The following VIL1 variants were observed in gnomAD, a reference collection of about 807,000 sequenced individuals.
VIL1 encodes the protein villin 1, also known as villin-1.
In VIL1, 86 loss-of-function variants were observed where a neutral mutation model predicts 104.0. That is an observed-to-expected ratio of 0.83 (90% CI 0.69 to 0.99). The LOEUF is 0.99. VIL1 is among the 50% of genes least tolerant of loss of function. VIL1 has a pLI of 0.00. For missense variants in VIL1, 944 were observed against 1,054.1 expected, an observed-to-expected ratio of 0.90 and a Z score of 1.45; for synonymous variants, 394 against 412.6, an observed-to-expected ratio of 0.95 and a Z score of 0.55.
intron 19 of VIL1, among the ~76,000 whole-genome samples, chr2:218,442,230 C>G (rs1689295906): frequency 1.3e-5 from 2 of 152,026 alleles, no homozygotes; most frequent in Non-Finnish European, 2.9e-5. Flanking sequence ...GCATCATTCT[C>G]CAAGATAGAA....
rs148353573 is a variant in VIL1 at position 218,429,401 on chromosome 2, C to T, written c.684C>T (p.His228=). 77 of 1,614,126 alleles carry T rather than the reference C, an allele frequency of 4.8e-5. 1 individual carries two copies. In the African/African-American group the frequency reaches 8.4e-4, roughly 18 times the overall value. The part of the protein sequence containing the change: ...ASPKLMEVMN[H]VLGKRRELKA... ...CGAAGCTGATGGAGGTGATGAACCA[C>T]GTGCTGGGCAAGCGCAGGGAGCTGA... Residue 228 remains histidine, a synonymous_variant, in exon 7 of 20, where the codon CAC becomes CAT. Coordinates refer to ENST00000248444, the MANE Select transcript of VIL1 (RefSeq NM_007127.3).
In VIL1 at chr2:218,449,429, T is replaced by C; in HGVS notation, c.*93T>C. Reference sequence around the variant, plus strand: ...TAGTCCTACACCAATTGAAGTGAAATTTTGCAGATGTGCCTATGAGCACAA... The same window carrying C: ...TAGTCCTACACCAATTGAAGTGAAACTTTGCAGATGTGCCTATGAGCACAA... On this transcript the variant is annotated 3_prime_UTR_variant, in exon 20 of 20. Coordinates refer to ENST00000248444, the MANE Select transcript of VIL1 (RefSeq NM_007127.3). 1 of 1,098,378 alleles carries C rather than the reference T, an allele frequency of 9.1e-7. No homozygotes were observed. Among genetic ancestry groups the C allele is most frequent in the Non-Finnish European group, 1.4e-6 (1 of 724,728 alleles). The allele number at this position is 1,098,378 out of a possible 1,614,324, so 68.0% of individuals were successfully genotyped here.
Position 218,438,873 on chromosome 2 carries a change from T to G in VIL1, c.2229+147T>G, listed in dbSNP as rs1187442868. The stretch of plus-strand genomic sequence containing the variant: ...CTTCTCATTCTTCTTGCTGTTTTAC[T>G]TCAGTGCCTCTAGTGGTTTTGTTTC... On this transcript the variant is annotated intron_variant, in intron 18 of 19. Transcript: ENST00000248444. 3 of 652,976 alleles carry G rather than the reference T, an allele frequency of 4.6e-6. No homozygotes were observed. The African/African-American group carries it at 5.5e-5, about 12-fold the overall frequency. 40.4% of individuals were successfully genotyped at this position (652,976 alleles called of 1,614,324 possible). A position where few individuals can be genotyped will look rare whatever the true frequency, so the allele number is the denominator to read the frequency against.
chr2:218,432,106 T>C lies in VIL1; in HGVS notation c.1264T>C (p.Tyr422His). The C allele has an allele frequency of 1.2e-6, 2 of 1,614,108 alleles. No individual in the cohort carries two copies. The highest frequency in any genetic ancestry group is 1.7e-6 in the Non-Finnish European group (2 of 1,180,002). The change falls in exon 12 of 20, where the codon TAT becomes CAT. Residue 422 changes from tyrosine (Y) to histidine (H), a missense_variant. Coordinates refer to ENST00000248444, the MANE Select transcript of VIL1 (RefSeq NM_007127.3). ...GGATTCCAAGTGGCTAGGCCACTTC[T>C]ATGGGGGCGACTGCTACCTGCTGCT... ...PVDSKWLGHFYGGDCYLLLYT... is the reference protein window; with the variant it reads ...PVDSKWLGHFHGGDCYLLLYT...
In VIL1 at chr2:218,423,789, T is replaced by TGAGC; in HGVS notation, c.13_16dup (p.Ala6GlufsTer40). On this transcript the variant is annotated frameshift_variant, in exon 2 of 20. Transcript: ENST00000248444. LOFTEE classifies it high-confidence loss of function. ...CCAGGCTCACTCACCATGACCAAGC[T>TGAGC]GAGCGCCCAAGTCAAAGGCTCTCTC... The TGAGC allele has an allele frequency of 6.2e-7, 1 of 1,614,160 alleles. No homozygotes were observed. The highest frequency in any genetic ancestry group is 1.3e-5 in the African/African-American group (1 of 75,060).
Position 218,427,950 on chromosome 2 carries a change from C to T in VIL1, c.348-15C>T, listed in dbSNP as rs768856910. The T allele has an allele frequency of 2.5e-6, 4 of 1,612,850 alleles. No homozygotes were observed. Among genetic ancestry groups the T allele is most frequent in the Non-Finnish European group, 3.4e-6 (4 of 1,179,268 alleles). On this transcript the variant is annotated splice_polypyrimidine_tract_variant and intron_variant, in intron 4 of 19. Coordinates refer to ENST00000248444, the MANE Select transcript of VIL1 (RefSeq NM_007127.3). ...CCCAGCCCACTTCCTTGGGTCAGCT[C>T]ACCTCTCTTCTCAGGATCCGGAAAG...
At chr2:218,433,833 G>A (rs1689139707) in intron 13 of VIL1, among the ~76,000 whole-genome samples, 1 of 151,938 alleles carries the variant, frequency 6.6e-6, no homozygotes, top group South Asian at 2.1e-4. Context: ...CTTGAACCTG[G>A]GAGACGCTGA....
chr2:218,445,469 G>C (rs1488088525), intron 19 of VIL1, among the ~76,000 whole-genome samples: 2 of 152,094 alleles, frequency 1.3e-5, no homozygotes, highest in Non-Finnish European at 2.9e-5. Context: ...CCTGCCTCAG[G>C]GAGTGGGGAA....
rs775536963 is a variant in VIL1 at position 218,429,600 on chromosome 2, G to A, written c.774G>A (p.Val258=). The A allele has an allele frequency of 1.9e-6, 3 of 1,614,126 alleles. No homozygotes were observed. Among genetic ancestry groups the A allele is most frequent in the Non-Finnish European group, 1.7e-6 (2 of 1,180,026 alleles). The change falls in exon 8 of 20, where the codon GTG becomes GTA. Residue 258 remains valine (V), a synonymous_variant. Transcript: ENST00000248444. Reference sequence around the variant, plus strand: ...ATGCCTTGCTTCTGTCCTGCAGTGTGTCTGACTCCGAGGGGAATCTGGTGG... The same window carrying A: ...ATGCCTTGCTTCTGTCCTGCAGTGTATCTGACTCCGAGGGGAATCTGGTGG... The part of the protein sequence containing the change: ...ALKAALKLYH[V]SDSEGNLVVR...
intron 19 of VIL1, among the ~76,000 whole-genome samples, chr2:218,441,267 T>A (rs1689279769): frequency 6.6e-6 from 1 of 151,890 alleles, no homozygotes; most frequent in Non-Finnish European, 1.5e-5. Context: ...TGTATGCCTG[T>A]AATCCCAGCT....
rs774283139 is a variant in VIL1 at position 218,449,372 on chromosome 2, C to A, written c.*36C>A. On this transcript the variant is annotated 3_prime_UTR_variant, in exon 20 of 20. Transcript: ENST00000248444. ...TGTGGTTGTAAAGCAGTACCCTACCCTGATTGTAGGGTCTCATTTTCTCAC... is the reference window on the plus strand; with the variant it reads ...TGTGGTTGTAAAGCAGTACCCTACCATGATTGTAGGGTCTCATTTTCTCAC... 3 of 1,492,484 alleles carry A rather than the reference C, an allele frequency of 2.0e-6. No homozygotes were observed. The highest frequency in any genetic ancestry group is 1.4e-5 in the African/African-American group (1 of 72,708). The allele number at this position is 1,492,484 out of a possible 1,614,324, so 92.5% of individuals were successfully genotyped here. A position where few individuals can be genotyped will look rare whatever the true frequency, so the allele number is the denominator to read the frequency against.
chr2:218,438,669 C>T lies in VIL1; in HGVS notation c.2172C>T (p.Ser724=), dbSNP rs1460296939. Reference sequence around the variant, plus strand: ...TACTTTATGTGCAGAACACCAAATCCTATGAGGACCTGAAGGCGGAGCTTG... The same window carrying T: ...TACTTTATGTGCAGAACACCAAATCTTATGAGGACCTGAAGGCGGAGCTTG... ...WDPFKWSNTK[S]YEDLKAELGN... Residue 724 remains serine, a synonymous_variant, in exon 18 of 20, where the codon TCC becomes TCT. Coordinates refer to ENST00000248444, the MANE Select transcript of VIL1 (RefSeq NM_007127.3). 6 of 1,612,350 alleles carry T rather than the reference C, an allele frequency of 3.7e-6. No homozygotes were observed. Among genetic ancestry groups the T allele is most frequent in the Non-Finnish European group, 4.2e-6 (5 of 1,179,578 alleles).
chr2:218,448,188 A>G (rs1689396795), intron 19 of VIL1, among the ~76,000 whole-genome samples: 1 of 151,536 alleles, frequency 6.6e-6, no homozygotes, highest in Non-Finnish European at 1.5e-5. Flanking sequence ...TGAGTCCAGG[A>G]GGTTGAGGCT....
At chr2:218,446,333 C>G (rs1559151515) in intron 19 of VIL1, among the ~76,000 whole-genome samples, 1 of 152,048 alleles carries the variant, frequency 6.6e-6, no homozygotes, top group Non-Finnish European at 1.5e-5. Context: ...CTCCCAGGTT[C>G]AAGCTATTCT....
chr2:218,449,181 A>T (rs772291000), intron 19 of VIL1, 42 bp from the exon 20 acceptor site: 2 of 1,444,822 alleles, frequency 1.4e-6, no homozygotes, highest in Non-Finnish European at 1.9e-6. Flanking sequence ...GGAGGAAGGA[A>T]GGATATGTGA....
At chr2:218,446,760 C>CTTTT (rs71064450) in intron 19 of VIL1, among the ~76,000 whole-genome samples, 3,904 of 125,238 alleles carry the variant, frequency 0.031, 552 homozygotes, top group African/African-American at 0.13. Flanking sequence ...GTGACCTTGA[C>CTTTT]TTTTTTTTTT....
intron 16 of VIL1, 111 bp downstream of exon 16, chr2:218,436,737 A>C: frequency 1.5e-6 from 2 of 1,362,714 alleles, no homozygotes; most frequent in Non-Finnish European, 2.0e-6. Context: ...CCCTTACATA[A>C]TTTCTCCCTG....
intron 1 of VIL1, among the ~76,000 whole-genome samples, chr2:218,419,441 C>T (rs1204076454): frequency 6.6e-6 from 1 of 152,184 alleles, no homozygotes; most frequent in East Asian, 1.9e-4. Flanking sequence ...GTCACCATCC[C>T]AATTGCCCTG....
At chr2:218,420,482 A>G (rs1688883777) in intron 1 of VIL1, among the ~76,000 whole-genome samples, 1 of 150,452 alleles carries the variant, frequency 6.6e-6, no homozygotes, top group South Asian at 2.1e-4. Flanking sequence ...GAAAGGCAAG[A>G]TGGACCTGCA....
Sources: allele counts gnomAD v4.1 joint callset (sites outside exome capture counted in the v4.1 genomes callset), GRCh38; gene constraint gnomAD v4.1.1; transcripts MANE v1.5; gene names NCBI Gene and HGNC (gene_info 2026-07-23, HGNC 2026-07-21).